UBR3: variants seen among roughly 807,000 people sequenced by gnomAD.
UBR3 encodes the protein ubiquitin protein ligase E3 component n-recognin 3, also known as E3 ubiquitin-protein ligase UBR3.
UBR3 carries 85 observed loss-of-function variants against 243.2 expected under a neutral mutation model. The observed-to-expected ratio is 0.35, with a 90% CI of 0.29 to 0.42. The LOEUF (loss-of-function observed/expected upper bound fraction) is 0.42. Among genes scored for constraint, UBR3 ranks in the 10% least tolerant of loss-of-function variants. UBR3 has a pLI of 1.00. For missense variants in UBR3, 1,686 were observed against 2,300.8 expected (o/e 0.73, Z 5.47); for synonymous variants, 748 against 799.8 (o/e 0.94, Z 1.09).
Position 169,928,045 on chromosome 2 carries a change from G to T in UBR3, c.2424+640G>T, listed in dbSNP as rs142461657. On this transcript the variant is annotated intron_variant, in intron 17 of 38. Coordinates refer to ENST00000272793, the MANE Select transcript of UBR3 (RefSeq NM_172070.4). ...GTATATCTTATGACTATGTTTGGAA[G>T]AATTGGCTAAACTTTTTATTTTGTG... Among the ~76,000 whole-genome samples, 6 of 152,284 alleles carry T rather than the reference G, an allele frequency of 3.9e-5. No homozygotes were observed. In the East Asian group the frequency reaches 1.2e-3, roughly 29 times the overall value.
intron 6 of UBR3, among the ~76,000 whole-genome samples, chr2:169,893,692 GT>G (rs745891062): frequency 3.3e-5 from 5 of 152,140 alleles, no homozygotes; most frequent in Admixed American, 6.5e-5. Context: ...CTGCCGAGTA[GT>G]TGGGACTACA....
intron 32 of UBR3, among the ~76,000 whole-genome samples, chr2:170,048,320 G>A (rs569456014): frequency 6.6e-6 from 1 of 152,212 alleles, no homozygotes; most frequent in South Asian, 2.1e-4. Flanking sequence ...GTTCAGTGAG[G>A]GTTTTTGTGT....
At chr2:170,007,337 TAAATA>T in intron 28 of UBR3, 147 bp downstream of exon 28, 1 of 780,776 alleles carries the variant, frequency 1.3e-6, no homozygotes, top group South Asian at 1.9e-5. Context: ...TATTTATACT[TAAATA>T]AAAGTAATAG....
At chr2:170,022,681 A>C (rs769950149) in intron 30 of UBR3, among the ~76,000 whole-genome samples, 95 of 152,254 alleles carry the variant, frequency 6.2e-4, no homozygotes, top group Non-Finnish European at 9.9e-4. Flanking sequence ...ATATGAGCTA[A>C]AGTATCTTAC....
At chr2:169,949,529 A>C in intron 22 of UBR3, 76 bp from the exon 23 acceptor site, 5 of 1,235,438 alleles carry the variant, frequency 4.0e-6, no homozygotes, top group South Asian at 1.7e-5. Flanking sequence ...TTTAGAAAAT[A>C]TAGTACTAAT....
intron 26 of UBR3, among the ~76,000 whole-genome samples, chr2:170,000,838 T>C (rs531368320): frequency 6.6e-6 from 1 of 152,140 alleles, no homozygotes; most frequent in African/African-American, 2.4e-5. Flanking sequence ...GAAAAAAAGA[T>C]CCTTAGAAGG....
At chr2:169,905,572 A>T in intron 9 of UBR3, among the ~76,000 whole-genome samples, 2 of 152,196 alleles carry the variant, frequency 1.3e-5, no homozygotes, top group Admixed American at 6.5e-5. Context: ...ACAGGGTCTC[A>T]CTATGTTGCC....
At chr2:170,065,541 C>A (rs990891287) in intron 35 of UBR3, among the ~76,000 whole-genome samples, 1 of 152,156 alleles carries the variant, frequency 6.6e-6, no homozygotes, top group Admixed American at 6.5e-5. Context: ...GATCCACCCC[C>A]CTCAGCTCCC....
At position 170,045,572 on chromosome 2, in the gene UBR3, G is replaced by T. The variant is rs867429553; in HGVS notation, c.4660+4587G>T. Among the ~76,000 whole-genome samples, 9 of 152,280 alleles carry T rather than the reference G, an allele frequency of 5.9e-5. No homozygotes were observed. The Middle Eastern group carries it at 0.014, about 230-fold the overall frequency. ...CCATAAGCAGGGCCCAGAAAAGAGA[G>T]CTTGAATCCTGCTTATTATTTTCCA... On this transcript the variant is annotated intron_variant, in intron 32 of 38. Transcript: ENST00000272793.
chr2:169,935,679 A>G (rs2086299303), intron 19 of UBR3, among the ~76,000 whole-genome samples: 1 of 152,196 alleles, frequency 6.6e-6, no homozygotes, highest in Non-Finnish European at 1.5e-5. Flanking sequence ...ATGAGTTTAT[A>G]TATATCATTT....
chr2:169,851,110 A>G (rs550025298), intron 1 of UBR3, among the ~76,000 whole-genome samples: 2 of 152,118 alleles, frequency 1.3e-5, no homozygotes, highest in Admixed American at 1.3e-4. Context: ...AACGTCTACC[A>G]CCTTGCTAAT....
At chr2:169,985,486 C>A (rs2088960164) in intron 24 of UBR3, among the ~76,000 whole-genome samples, 1 of 152,192 alleles carries the variant, frequency 6.6e-6, no homozygotes, top group Non-Finnish European at 1.5e-5. Context: ...CCGCCTCAGC[C>A]TCCCAAAGTG....
intron 1 of UBR3, among the ~76,000 whole-genome samples, chr2:169,842,614 G>A (rs1476571033): frequency 6.6e-6 from 1 of 152,160 alleles, no homozygotes; most frequent in African/African-American, 2.4e-5. Flanking sequence ...GAGCCCGCCA[G>A]GAGGAACGAA....
At chr2:169,935,230 A>G (rs1023509569) in intron 19 of UBR3, among the ~76,000 whole-genome samples, 2 of 152,134 alleles carry the variant, frequency 1.3e-5, no homozygotes, top group Non-Finnish European at 2.9e-5. Flanking sequence ...CAGTGGCGTG[A>G]TCATAGCCCA....
intron 22 of UBR3, among the ~76,000 whole-genome samples, chr2:169,948,296 T>C (rs115557059): frequency 0.022 from 3,285 of 152,100 alleles, 52 homozygotes; most frequent in Non-Finnish European, 0.031. Context: ...TAAATTAAAA[T>C]AAATTTAATT....
chr2:169,956,909 G>C (rs535961050), intron 23 of UBR3, among the ~76,000 whole-genome samples: 275 of 152,172 alleles, frequency 1.8e-3, no homozygotes, highest in African/African-American at 6.3e-3. Flanking sequence ...CTTCTATACT[G>C]TATAGATATA....
At chr2:169,829,666 C>A (rs976296146) in intron 1 of UBR3, among the ~76,000 whole-genome samples, 4 of 152,124 alleles carry the variant, frequency 2.6e-5, no homozygotes, top group African/African-American at 9.7e-5. Flanking sequence ...CTCAGGTGAT[C>A]CGCCCGCGTC....
chr2:170,042,306 A>T (rs1347889813), intron 32 of UBR3, among the ~76,000 whole-genome samples: 2 of 151,924 alleles, frequency 1.3e-5, no homozygotes, highest in Non-Finnish European at 2.9e-5. Flanking sequence ...TACTTCATTT[A>T]TCTCGATGGC....
intron 24 of UBR3, chr2:169,964,684 T>G: frequency 2.7e-6 from 1 of 369,344 alleles, no homozygotes; most frequent in Non-Finnish European, 5.4e-6. Context: ...GTGGGAGACA[T>G]TGGTCATGAA....
Sources: allele counts gnomAD v4.1 joint callset (sites outside exome capture counted in the v4.1 genomes callset), GRCh38; gene constraint gnomAD v4.1.1; transcripts MANE v1.5; gene names NCBI Gene and HGNC (gene_info 2026-07-23, HGNC 2026-07-21).